TENM4: variants seen among roughly 807,000 people sequenced by gnomAD.
The protein encoded by TENM4 is teneurin-4.
Under a neutral mutation model 243.3 loss-of-function variants are expected in TENM4, and 82 were observed. That is an observed-to-expected ratio of 0.34 (90% confidence interval 0.28 to 0.40). The LOEUF is 0.40. Among genes scored for constraint, TENM4 ranks in the 10% least tolerant of loss-of-function variants. The pLI is 1.00. For missense variants in TENM4, 3,138 were observed against 3,673.3 expected (o/e 0.85, Z 3.77); for synonymous variants, 1,412 against 1,456.3 (o/e 0.97, Z 0.69).
chr11:79,237,894 C>CA (rs1024914245), intron 2 of TENM4, among the ~76,000 whole-genome samples: 6 of 152,116 alleles, frequency 3.9e-5, no homozygotes, highest in Non-Finnish European at 5.9e-5. Flanking sequence ...TAACCATACA[C>CA]ACTGTTAGTA....
chr11:78,888,597 T>C (rs1399712928), intron 9 of TENM4, among the ~76,000 whole-genome samples: 4 of 152,222 alleles, frequency 2.6e-5, no homozygotes, highest in African/African-American at 9.6e-5. Flanking sequence ...CTCTTGAACA[T>C]GTGATGGCCC....
intron 32 of TENM4, 42 bp from the exon 33 acceptor site, chr11:78,661,633 G>T: frequency 6.2e-7 from 1 of 1,601,266 alleles, no homozygotes; most frequent in Non-Finnish European, 8.5e-7. Context: ...GGAGTGAGTG[G>T]ACCTCATTTG....
At chr11:79,111,014 C>T (rs142616601) in intron 4 of TENM4, among the ~76,000 whole-genome samples, 1 of 152,292 alleles carries the variant, frequency 6.6e-6, no homozygotes, top group African/African-American at 2.4e-5. Flanking sequence ...TTGTACCTCT[C>T]ATAATTTCCA....
intron 4 of TENM4, among the ~76,000 whole-genome samples, chr11:79,098,186 C>G (rs976231997): frequency 6.6e-6 from 1 of 151,836 alleles, no homozygotes; most frequent in Non-Finnish European, 1.5e-5. Context: ...CTGCTGCCTT[C>G]AAAACCCTGC....
At chr11:79,069,527 A>G (rs774136236) in intron 5 of TENM4, among the ~76,000 whole-genome samples, 195 bp downstream of exon 5, 11 of 152,182 alleles carry the variant, frequency 7.2e-5, no homozygotes, top group Non-Finnish European at 1.3e-4. Context: ...TAAATGAACT[A>G]AGAATGAACT....
intron 1 of TENM4, among the ~76,000 whole-genome samples, chr11:79,314,019 T>C (rs1480464243): frequency 6.6e-6 from 1 of 152,208 alleles, no homozygotes; most frequent in Non-Finnish European, 1.5e-5. Flanking sequence ...TGTTGAGCTC[T>C]GAGAATCTAA....
At chr11:78,775,257 T>C (rs1856719147) in intron 17 of TENM4, among the ~76,000 whole-genome samples, 1 of 152,204 alleles carries the variant, frequency 6.6e-6, no homozygotes, top group Non-Finnish European at 1.5e-5. Context: ...AGCCCTGCTC[T>C]AGTGAACTCC....
intron 6 of TENM4, among the ~76,000 whole-genome samples, chr11:78,942,259 CAAAAAAAAAAAAAAAAAAAAAAA>C (rs56973257): frequency 2.3e-3 from 26 of 11,196 alleles, no homozygotes; most frequent in Non-Finnish European, 3.3e-3. Flanking sequence ...CAAAATACAC[CAAAAAAAAAAAAAAAAAAAAAAA>C]AAAAAAAAAA....
intron 14 of TENM4, among the ~76,000 whole-genome samples, chr11:78,811,075 G>A (rs928333417): frequency 6.6e-6 from 1 of 152,220 alleles, no homozygotes; most frequent in East Asian, 1.9e-4. Context: ...GTCAGACACT[G>A]AGCTAAGTGC....
At chr11:79,304,756 T>G (rs1006710630) in intron 1 of TENM4, among the ~76,000 whole-genome samples, 1 of 152,216 alleles carries the variant, frequency 6.6e-6, no homozygotes, top group Non-Finnish European at 1.5e-5. Context: ...AAAGACCAGC[T>G]GTATCCTCCT....
intron 4 of TENM4, among the ~76,000 whole-genome samples, chr11:79,084,365 G>A (rs1391642035): frequency 6.6e-6 from 1 of 152,142 alleles, no homozygotes; most frequent in Non-Finnish European, 1.5e-5. Flanking sequence ...TTGTATTCTT[G>A]GGCATTTATC....
intron 6 of TENM4, among the ~76,000 whole-genome samples, chr11:79,029,102 T>C (rs185721061): frequency 1.5e-3 from 231 of 152,324 alleles, no homozygotes; most frequent in Admixed American, 3.5e-3. Context: ...TCTTCAGAAA[T>C]ACAGGCCATC....
chr11:79,361,317 T>A (rs1249175602), intron 1 of TENM4, among the ~76,000 whole-genome samples: 1 of 152,242 alleles, frequency 6.6e-6, no homozygotes, highest in Non-Finnish European at 1.5e-5. Flanking sequence ...TGTTCATTCT[T>A]ACCAGCCTCA....
intron 4 of TENM4, among the ~76,000 whole-genome samples, chr11:79,073,644 G>T (rs1224613134): frequency 6.6e-6 from 1 of 152,112 alleles, no homozygotes; most frequent in Non-Finnish European, 1.5e-5. Flanking sequence ...AGGTAGCCCA[G>T]GCTTGCGGTA....
At chr11:78,727,407 T>G (rs889646132) in intron 22 of TENM4, among the ~76,000 whole-genome samples, 24 of 148,092 alleles carry the variant, frequency 1.6e-4, no homozygotes, top group Non-Finnish European at 7.4e-5. Context: ...CTGCATTCCA[T>G]CCTGACGACA....
In TENM4 at chr11:79,363,817, T is replaced by C. The variant is rs539339411; in HGVS notation, c.-320-66274A>G. On this transcript the variant is annotated intron_variant, in intron 1 of 33. Coordinates refer to ENST00000278550, the MANE Select transcript of TENM4 (RefSeq NM_001098816.3). ...CTATTTTATCCATCTAATTTTTATGTAGTATATCCTATACATTTCATCTCA... is the reference window on the plus strand; with the variant it reads ...CTATTTTATCCATCTAATTTTTATGCAGTATATCCTATACATTTCATCTCA... 3.0e-3 allele frequency among the ~76,000 whole-genome samples: 453 copies of C among 152,380 alleles called. 2 individuals are homozygous for C. Among genetic ancestry groups the C allele is most frequent in the Middle Eastern group, 0.01 (3 of 294 alleles).
chr11:78,722,328 A>G (rs1203163112), intron 24 of TENM4, among the ~76,000 whole-genome samples: 1 of 152,150 alleles, frequency 6.6e-6, no homozygotes, highest in Non-Finnish European at 1.5e-5. Flanking sequence ...TGTTTTTATA[A>G]AAAAGGTTCA....
chr11:78,872,579 T>C (rs891188930), intron 9 of TENM4, among the ~76,000 whole-genome samples: 2 of 152,192 alleles, frequency 1.3e-5, no homozygotes, highest in African/African-American at 4.8e-5. Flanking sequence ...AGTGTCTATA[T>C]AAAGGTGTTC....
intron 1 of TENM4, chr11:79,439,026 G>C (rs531519558): frequency 6.6e-6 from 1 of 152,126 alleles, no homozygotes; most frequent in East Asian, 1.9e-4. Flanking sequence ...TCACAGTTCC[G>C]GGTAATCACC....
Sources: gnomAD v4.1 joint callset for allele counts (sites outside exome capture counted in the v4.1 genomes callset) on GRCh38, gnomAD v4.1.1 for gene constraint, MANE v1.5 for transcripts, NCBI Gene and HGNC (gene_info 2026-07-23, HGNC 2026-07-21) for gene names.